The following SLC44A5 variants were observed in gnomAD, a reference collection of about 807,000 sequenced individuals.
The protein encoded by SLC44A5 is choline transporter-like protein 5.
Under a neutral mutation model 101.8 loss-of-function variants are expected in SLC44A5, and 57 were observed. The observed-to-expected ratio is 0.56, with a 90% CI of 0.45 to 0.70. The LOEUF is 0.70. SLC44A5 is among the 30% of genes least tolerant of loss of function. The probability of loss-of-function intolerance (pLI) is 0.00; values close to 1 mark genes in which losing one functional copy is unlikely to be tolerated. For synonymous variants in SLC44A5, 281 were observed against 290.9 expected, an observed-to-expected ratio of 0.97 and a Z score of 0.35; for missense variants, 737 against 853.1, an observed-to-expected ratio of 0.86 and a Z score of 1.70.
At chr1:75,465,982 A>C (rs1485156800) in intron 2 of SLC44A5, among the ~76,000 whole-genome samples, 1 of 152,208 alleles carries the variant, frequency 6.6e-6, no homozygotes, top group Non-Finnish European at 1.5e-5. Context: ...TCCTCAAACT[A>C]TTCCAAAATT....
intron 4 of SLC44A5, among the ~76,000 whole-genome samples, chr1:75,305,651 C>A (rs1020046111): frequency 5.9e-5 from 9 of 152,216 alleles, no homozygotes; most frequent in African/African-American, 2.2e-4. Flanking sequence ...CTGCTCATAG[C>A]ACCTCTAGAC....
At chr1:75,306,948 C>T (rs927926257) in intron 4 of SLC44A5, among the ~76,000 whole-genome samples, 36 of 151,808 alleles carry the variant, frequency 2.4e-4, no homozygotes, top group Non-Finnish European at 1.5e-4. Flanking sequence ...CCGTGTTAGC[C>T]AGGATGGTCT....
At position 75,513,086 on chromosome 1, in the gene SLC44A5, T is replaced by C. The variant is rs191675851; in HGVS notation, c.13+28349A>G. 3.5e-4 allele frequency among the ~76,000 whole-genome samples: 53 copies of C among 152,318 alleles called. 1 individual carries two copies. Among genetic ancestry groups the C allele is most frequent in the African/African-American group, 1.3e-3 (53 of 41,576 alleles). ...TACTTGCTCAATGTCATATGGTTAGTAAATAGCAAATCCAGAATTGGAAGT... is the reference window on the plus strand; with the variant it reads ...TACTTGCTCAATGTCATATGGTTAGCAAATAGCAAATCCAGAATTGGAAGT... On this transcript the variant is annotated intron_variant, in intron 2 of 23. Coordinates refer to ENST00000370859, the MANE Select transcript of SLC44A5 (RefSeq NM_001130058.2).
chr1:75,218,397 T>C (rs1169755778), intron 17 of SLC44A5, 93 bp downstream of exon 17: 10 of 1,481,992 alleles, frequency 6.7e-6, no homozygotes, highest in Non-Finnish European at 9.2e-6. Flanking sequence ...ATTTCATTTG[T>C]ACCTTGCCAC....
intron 2 of SLC44A5, among the ~76,000 whole-genome samples, chr1:75,475,790 C>A (rs959493492): frequency 2.2e-4 from 33 of 152,204 alleles, no homozygotes; most frequent in Admixed American, 8.5e-4. Flanking sequence ...ATAAATAGAT[C>A]CTACTCCCAG....
intron 2 of SLC44A5, among the ~76,000 whole-genome samples, chr1:75,449,474 C>T (rs1665771583): frequency 6.6e-6 from 1 of 152,102 alleles, no homozygotes; most frequent in South Asian, 2.1e-4. Context: ...TATGTGGCTC[C>T]CCTTTTTGCC....
chr1:75,211,758 T>C (rs1024210222), intron 22 of SLC44A5, among the ~76,000 whole-genome samples: 6 of 151,710 alleles, frequency 4.0e-5, no homozygotes, highest in African/African-American at 1.5e-4. Context: ...ATTAACTGCC[T>C]TTTTTTTCCC....
chr1:75,327,212 A>C (rs1285405293), intron 4 of SLC44A5, among the ~76,000 whole-genome samples: 1 of 152,154 alleles, frequency 6.6e-6, no homozygotes, highest in Admixed American at 6.6e-5. Flanking sequence ...TGTTTCCTGA[A>C]GACATTCAGT....
At chr1:75,633,214 G>A in the SLC44A5 span, among the ~76,000 whole-genome samples, 2 of 152,088 alleles carry the variant, frequency 1.3e-5, no homozygotes, top group African/African-American at 2.4e-5. Flanking sequence ...CTCTTTTTTG[G>A]TTCCATATGA....
the SLC44A5 span, among the ~76,000 whole-genome samples, chr1:75,660,207 G>GA: frequency 3.8e-3 from 578 of 151,120 alleles, 6 homozygotes; most frequent in African/African-American, 0.013. Context: ...GATTCTGTCA[G>GA]AAAAAAAAGA....
chr1:75,498,040 G>A, intron 2 of SLC44A5, among the ~76,000 whole-genome samples: 2 of 152,266 alleles, frequency 1.3e-5, no homozygotes, highest in Non-Finnish European at 2.9e-5. Flanking sequence ...TTTTCATCAT[G>A]TTGAGGAGGA....
intron 4 of SLC44A5, among the ~76,000 whole-genome samples, chr1:75,300,896 A>T (rs954380137): frequency 6.6e-6 from 1 of 152,180 alleles, no homozygotes; most frequent in Non-Finnish European, 1.5e-5. Context: ...TGATTAATGA[A>T]TATCCCTCAG....
the SLC44A5 span, among the ~76,000 whole-genome samples, chr1:75,716,857 C>A: frequency 5.3e-5 from 8 of 150,458 alleles, no homozygotes; most frequent in African/African-American, 1.8e-4. Context: ...CAGGGTGAAA[C>A]CCCATCTCTA....
the SLC44A5 span, among the ~76,000 whole-genome samples, chr1:75,683,756 T>TAATAAATA: frequency 6.7e-6 from 1 of 150,090 alleles, no homozygotes; most frequent in East Asian, 2.0e-4. Context: ...TAAAGTATAA[T>TAATAAATA]AACAAATAAA....
At chr1:75,378,257 A>G (rs1660750069) in intron 3 of SLC44A5, among the ~76,000 whole-genome samples, 1 of 73,312 alleles carries the variant, frequency 1.4e-5, no homozygotes, top group African/African-American at 9.6e-5. Context: ...CTTTATTAAA[A>G]TTCTTTTAAA....
At chr1:75,428,209 T>A (rs1193924038) in intron 2 of SLC44A5, among the ~76,000 whole-genome samples, 1 of 152,238 alleles carries the variant, frequency 6.6e-6, no homozygotes, top group African/African-American at 2.4e-5. Flanking sequence ...AAGCATAATG[T>A]AGTGTATCCT....
intron 1 of SLC44A5, among the ~76,000 whole-genome samples, chr1:75,597,878 G>A (rs796603282): frequency 4.6e-5 from 7 of 152,062 alleles, no homozygotes; most frequent in African/African-American, 1.7e-4. Flanking sequence ...ATATAGACAC[G>A]GGCAAAGATT....
chr1:75,451,265 CA>C (rs1665892736), intron 2 of SLC44A5, among the ~76,000 whole-genome samples: 1 of 152,146 alleles, frequency 6.6e-6, no homozygotes, highest in Non-Finnish European at 1.5e-5. Context: ...TCTGAGGCAA[CA>C]AAGAGCTTTT....
chr1:75,320,796 T>G (rs567306128), intron 4 of SLC44A5, among the ~76,000 whole-genome samples: 1 of 152,184 alleles, frequency 6.6e-6, no homozygotes, highest in Admixed American at 6.6e-5. Context: ...GTTCCCTTCC[T>G]GTCCAATTAC....
Sources: gnomAD v4.1 joint callset for allele counts (sites outside exome capture counted in the v4.1 genomes callset) on GRCh38, gnomAD v4.1.1 for gene constraint, MANE v1.5 for transcripts, NCBI Gene and HGNC (gene_info 2026-07-23, HGNC 2026-07-21) for gene names.